The following GNG12 variants were observed in gnomAD, a reference collection of about 807,000 sequenced individuals.
GNG12 encodes the protein guanine nucleotide-binding protein G(I)/G(S)/G(O) subunit gamma-12.
For synonymous variants in GNG12, 28 were observed against 29.7 expected, an observed-to-expected ratio of 0.94 and a Z score of 0.19; for missense variants, 69 against 83.8, an observed-to-expected ratio of 0.82 and a Z score of 0.69.
intron 2 of GNG12, among the ~76,000 whole-genome samples, chr1:67,715,255 G>A (rs1172978524): frequency 6.6e-6 from 1 of 152,196 alleles, no homozygotes; most frequent in East Asian, 1.9e-4. Flanking sequence ...TGAGGCCTCA[G>A]AAGCGGCCAA....
At chr1:67,709,422 G>A (rs1179083301) in intron 2 of GNG12, among the ~76,000 whole-genome samples, 1 of 152,086 alleles carries the variant, frequency 6.6e-6, no homozygotes, top group Non-Finnish European at 1.5e-5. Flanking sequence ...TGGGCAATTT[G>A]TGCCACTAGT....
intron 2 of GNG12, among the ~76,000 whole-genome samples, chr1:67,722,168 G>C (rs1184730618): frequency 1.3e-5 from 2 of 152,120 alleles, no homozygotes; most frequent in Non-Finnish European, 2.9e-5. Flanking sequence ...TGGGAGGGTT[G>C]AAAATGAGGC....
At chr1:67,729,616 G>A (rs1450976245) in intron 2 of GNG12, among the ~76,000 whole-genome samples, 2 of 152,118 alleles carry the variant, frequency 1.3e-5, no homozygotes, top group South Asian at 4.1e-4. Context: ...TGGTTTTCTT[G>A]GTTTCCCTTG....
intron 1 of GNG12, among the ~76,000 whole-genome samples, chr1:67,828,085 G>A (rs1647021609): frequency 6.6e-6 from 1 of 152,204 alleles, no homozygotes; most frequent in South Asian, 2.1e-4. Context: ...TAGCGAGTCA[G>A]TTCCTTCATC....
intron 2 of GNG12, among the ~76,000 whole-genome samples, chr1:67,744,846 C>T (rs769558988): frequency 3.9e-5 from 6 of 152,192 alleles, no homozygotes; most frequent in Non-Finnish European, 7.3e-5. Flanking sequence ...TCCCTCCCAG[C>T]ACATCTCCTA....
At chr1:67,752,700 G>C (rs1284716537) in intron 2 of GNG12, among the ~76,000 whole-genome samples, 2 of 152,180 alleles carry the variant, frequency 1.3e-5, no homozygotes, top group Non-Finnish European at 2.9e-5. Context: ...TGTTCTAATT[G>C]ATTTCATATA....
At chr1:67,823,726 G>A (rs534581056) in intron 1 of GNG12, among the ~76,000 whole-genome samples, 1 of 152,212 alleles carries the variant, frequency 6.6e-6, no homozygotes, top group South Asian at 2.1e-4. Context: ...TGATGGGAGG[G>A]CAAAATGGTT....
intron 2 of GNG12, among the ~76,000 whole-genome samples, chr1:67,756,845 C>T (rs1317952930): frequency 1.3e-5 from 2 of 152,218 alleles, no homozygotes; most frequent in East Asian, 3.9e-4. Flanking sequence ...GTCATCTGCA[C>T]TGCAAGGTTT....
chr1:67,784,358 C>T (rs926105851), intron 1 of GNG12, among the ~76,000 whole-genome samples: 29 of 148,628 alleles, frequency 2.0e-4, no homozygotes, highest in African/African-American at 6.7e-4. Context: ...GGAGATATAC[C>T]TAATGCTAGA....
At chr1:67,806,429 G>A (rs1381284506) in intron 1 of GNG12, among the ~76,000 whole-genome samples, 1 of 151,782 alleles carries the variant, frequency 6.6e-6, no homozygotes, top group Non-Finnish European at 1.5e-5. Flanking sequence ...AATATTTACG[G>A]GATGTGAAAC....
chr1:67,730,975 G>A (rs1646415731), intron 2 of GNG12, among the ~76,000 whole-genome samples: 1 of 152,162 alleles, frequency 6.6e-6, no homozygotes, highest in Non-Finnish European at 1.5e-5. Flanking sequence ...GTATTCCATA[G>A]CATTCATCCA....
At chr1:67,721,598 G>A (rs1646356733) in intron 2 of GNG12, among the ~76,000 whole-genome samples, 1 of 152,224 alleles carries the variant, frequency 6.6e-6, no homozygotes, top group Non-Finnish European at 1.5e-5. Flanking sequence ...GTCTATTTAA[G>A]CCAAGATTGA....
chr1:67,807,704 G>A (rs906486819), intron 1 of GNG12, among the ~76,000 whole-genome samples: 1 of 151,984 alleles, frequency 6.6e-6, no homozygotes, highest in Non-Finnish European at 1.5e-5. Context: ...ACACAAATTT[G>A]ATAACCCAGA....
chr1:67,740,159 C>G (rs1041826058), intron 2 of GNG12, among the ~76,000 whole-genome samples: 1 of 152,138 alleles, frequency 6.6e-6, no homozygotes, highest in African/African-American at 2.4e-5. Flanking sequence ...TTTACCCGTG[C>G]TACTCACAGA....
chr1:67,769,994 G>A (rs1408514373), intron 2 of GNG12, among the ~76,000 whole-genome samples: 1 of 152,262 alleles, frequency 6.6e-6, no homozygotes, highest in Admixed American at 6.5e-5. Flanking sequence ...ATGGAGGTAG[G>A]AAGCTCCTCA....
chr1:67,750,153 T>C (rs1462144995), intron 2 of GNG12, among the ~76,000 whole-genome samples: 3 of 152,194 alleles, frequency 2.0e-5, no homozygotes, highest in Admixed American at 6.5e-5. Flanking sequence ...TAATACCACA[T>C]GCCATTTGTA....
At chr1:67,773,473 T>C (rs1285807440) in intron 2 of GNG12, among the ~76,000 whole-genome samples, 1 of 152,168 alleles carries the variant, frequency 6.6e-6, no homozygotes, top group Non-Finnish European at 1.5e-5. Flanking sequence ...GCCTAGTTTA[T>C]AGTTCGCTAC....
intron 1 of GNG12, among the ~76,000 whole-genome samples, chr1:67,831,893 A>C (rs1404678336): frequency 6.6e-6 from 1 of 152,204 alleles, no homozygotes. Flanking sequence ...TGGTTCTCCT[A>C]GGTGAGGGCC....
chr1:67,737,281 C>G (rs1646457479), intron 2 of GNG12, among the ~76,000 whole-genome samples: 1 of 152,140 alleles, frequency 6.6e-6, no homozygotes, highest in Non-Finnish European at 1.5e-5. Context: ...AAAGCAAAGT[C>G]TAATTATAAT....
Sources: gnomAD v4.1 joint callset for allele counts (sites outside exome capture counted in the v4.1 genomes callset) on GRCh38, gnomAD v4.1.1 for gene constraint, MANE v1.5 for transcripts, NCBI Gene and HGNC (gene_info 2026-07-23, HGNC 2026-07-21) for gene names.